Variants in SYCE3 observed in about 807,000 individuals in gnomAD.
SYCE3 encodes testis highly expressed gene 2 protein.
In SYCE3, 3 loss-of-function variants were observed where a neutral mutation model predicts 8.1. The observed-to-expected ratio is 0.37, with a 90% CI of 0.17 to 0.96. The LOEUF (loss-of-function observed/expected upper bound fraction) is 0.96. Among genes scored for constraint, SYCE3 ranks in the 40% least tolerant of loss-of-function variants. SYCE3 has a pLI of 0.41. For missense variants in SYCE3, 83 were observed against 110.0 expected (o/e 0.75, Z 1.10); for synonymous variants, 36 against 38.7 (o/e 0.93, Z 0.26).
intron 1 of SYCE3, among the ~76,000 whole-genome samples, chr22:50,560,373 G>C (rs2069902775): frequency 6.6e-6 from 1 of 152,034 alleles, no homozygotes; most frequent in African/African-American, 2.4e-5. Flanking sequence ...TCCAGTCCTA[G>C]TTACTCAGGA....
In SYCE3 at chr22:50,551,367, TCAC is replaced by T. The variant is rs1282607547; in HGVS notation, c.142_144del (p.Val48del). The T allele has an allele frequency of 1.3e-6, 2 of 1,551,002 alleles. No homozygotes were observed. Among genetic ancestry groups the T allele is most frequent in the Non-Finnish European group, 1.7e-6 (2 of 1,146,950 alleles). Reference sequence around the variant, plus strand: ...TCGGCCAGCGTAGGGTTGGTGCGCATCACCACCATGTCATAGGCCATCCAGGTC... The same window carrying T: ...TCGGCCAGCGTAGGGTTGGTGCGCATCACCATGTCATAGGCCATCCAGGTC... On this transcript the variant is annotated inframe_deletion, in exon 3 of 3. Transcript: ENST00000406915.
intron 1 of SYCE3, among the ~76,000 whole-genome samples, chr22:50,559,602 G>A (rs1405290646): frequency 6.6e-6 from 1 of 152,162 alleles, no homozygotes; most frequent in Non-Finnish European, 1.5e-5. Flanking sequence ...AAAACTCCAG[G>A]TAAGGAATGA....
intron 1 of SYCE3, among the ~76,000 whole-genome samples, chr22:50,557,922 C>A (rs12167728): frequency 0.057 from 8,739 of 152,152 alleles, 544 homozygotes; most frequent in African/African-American, 0.15. Context: ...ACTTCCTGGG[C>A]CTCCCTCATC....
chr22:50,554,430 A>T (rs1409766030), intron 2 of SYCE3, among the ~76,000 whole-genome samples: 1 of 152,016 alleles, frequency 6.6e-6, no homozygotes, highest in Admixed American at 6.6e-5. Flanking sequence ...GTGGTGGCTC[A>T]CGCGTGTAAT....
intron 1 of SYCE3, among the ~76,000 whole-genome samples, chr22:50,556,957 G>T (rs150639190): frequency 6.6e-6 from 1 of 151,966 alleles, no homozygotes; most frequent in African/African-American, 2.4e-5. Context: ...AATATGAAAT[G>T]ATTCATACAT....
At chr22:50,554,584 C>T (rs58881858) in intron 2 of SYCE3, among the ~76,000 whole-genome samples, 12,753 of 151,674 alleles carry the variant, frequency 0.084, 1,193 homozygotes, top group African/African-American at 0.23. Context: ...ATCCCACCTA[C>T]CCAGGAGGCT....
At chr22:50,561,184 G>C (rs2069910997) in intron 1 of SYCE3, among the ~76,000 whole-genome samples, 1 of 152,142 alleles carries the variant, frequency 6.6e-6, no homozygotes, top group Non-Finnish European at 1.5e-5. Flanking sequence ...TTGATGGTTG[G>C]GGTGAAGCAG....
At chr22:50,556,644 C>G (rs926992821) in intron 1 of SYCE3, among the ~76,000 whole-genome samples, 1 of 152,190 alleles carries the variant, frequency 6.6e-6, no homozygotes, top group African/African-American at 2.4e-5. Context: ...GCCATACAAA[C>G]GTAGCTGAAG....
intron 1 of SYCE3, among the ~76,000 whole-genome samples, chr22:50,556,759 G>C (rs1340135670): frequency 6.6e-6 from 1 of 152,154 alleles, no homozygotes; most frequent in Non-Finnish European, 1.5e-5. Flanking sequence ...TACCCACTAA[G>C]ATGCAAGCTA....
At chr22:50,558,393 T>G (rs2069881406) in intron 1 of SYCE3, among the ~76,000 whole-genome samples, 1 of 151,496 alleles carries the variant, frequency 6.6e-6, no homozygotes, top group Admixed American at 6.6e-5. Context: ...ATTGTGCCAT[T>G]GCACTCCAGT....
chr22:50,551,827 C>T (rs1375640341), intron 2 of SYCE3, among the ~76,000 whole-genome samples: 1 of 152,216 alleles, frequency 6.6e-6, no homozygotes, highest in African/African-American at 2.4e-5. Flanking sequence ...AGACCCAAAC[C>T]TCATGTCACC....
intron 2 of SYCE3, among the ~76,000 whole-genome samples, chr22:50,555,382 T>C (rs2069850255): frequency 7.9e-5 from 12 of 152,214 alleles, no homozygotes; most frequent in Admixed American, 7.9e-4. Context: ...GGCTCATACC[T>C]GTAATCCCAA....
At position 50,551,255 on chromosome 22, in the gene SYCE3, T is replaced by C; in HGVS notation, c.257A>G (p.Gln86Arg). The change falls in exon 3 of 3, where the codon CAA (glutamine) becomes CGA (arginine). Residue 86 changes from glutamine (Q) to arginine (R), a missense_variant. Physicochemically the swap from Gln to Arg is conservative, Grantham distance 43. Coordinates refer to ENST00000406915, the MANE Select transcript of SYCE3 (RefSeq NM_001123225.3). ...NWQELLHETK[Q>R]RL ...GTGGGCCAGTGGGGCCTACAGCCTTTGCTTGGTCTCATGCAGCAGCTCTTG... is the reference window on the plus strand; with the variant it reads ...GTGGGCCAGTGGGGCCTACAGCCTTCGCTTGGTCTCATGCAGCAGCTCTTG... The C allele has an allele frequency of 2.6e-6, 4 of 1,551,378 alleles. No homozygotes were observed. Among genetic ancestry groups the C allele is most frequent in the Non-Finnish European group, 3.5e-6 (4 of 1,146,934 alleles).
At chr22:50,554,797 A>G (rs1444093017) in intron 2 of SYCE3, among the ~76,000 whole-genome samples, 1 of 151,614 alleles carries the variant, frequency 6.6e-6, no homozygotes, top group Non-Finnish European at 1.5e-5. Flanking sequence ...GATCAAGACT[A>G]TCCTGGCCAA....
At chr22:50,558,842 T>C (rs1210844478) in intron 1 of SYCE3, among the ~76,000 whole-genome samples, 1 of 152,214 alleles carries the variant, frequency 6.6e-6, no homozygotes, top group Non-Finnish European at 1.5e-5. Flanking sequence ...CACTCCACTG[T>C]CATCTGGCAT....
At position 50,556,852 on chromosome 22, in the gene SYCE3, T is replaced by G. The variant is rs1313512527; in HGVS notation, c.1-447A>C. On this transcript the variant is annotated intron_variant, in intron 1 of 2. Transcript: ENST00000406915. Reference sequence around the variant, plus strand: ...ATGGGAGTAAGTCACACACACCATATGACAAACCAGGATGTGACAGATGTC... The same window carrying G: ...ATGGGAGTAAGTCACACACACCATAGGACAAACCAGGATGTGACAGATGTC... 2.0e-5 allele frequency among the ~76,000 whole-genome samples: 3 copies of G among 152,204 alleles called. No individual in the cohort carries two copies. The East Asian group carries it at 5.8e-4, about 29-fold the overall frequency.
At chr22:50,554,056 A>G (rs113051123) in intron 2 of SYCE3, among the ~76,000 whole-genome samples, 12,666 of 151,884 alleles carry the variant, frequency 0.083, 1,176 homozygotes, top group African/African-American at 0.23. Context: ...TTAGCCATGC[A>G]TGGTGGCGGG....
At chr22:50,553,562 A>C (rs2148697901) in intron 2 of SYCE3, among the ~76,000 whole-genome samples, 2 of 152,192 alleles carry the variant, frequency 1.3e-5, no homozygotes, top group Middle Eastern at 3.4e-3. Flanking sequence ...TGCTAAAACG[A>C]TACAAACACC....
chr22:50,559,128 CTT>C (rs955059355), intron 1 of SYCE3, among the ~76,000 whole-genome samples: 3 of 145,770 alleles, frequency 2.1e-5, no homozygotes, highest in African/African-American at 5.0e-5. Context: ...ACTACACACT[CTT>C]TTTTTTTTTT....
Sources: allele counts gnomAD v4.1 joint callset (sites outside exome capture counted in the v4.1 genomes callset), GRCh38; gene constraint gnomAD v4.1.1; transcripts MANE v1.5; gene names NCBI Gene and HGNC (gene_info 2026-07-23, HGNC 2026-07-21).